The following PLPP3 variants were observed in gnomAD, a reference collection of about 807,000 sequenced individuals.
PLPP3 encodes the protein PAP2 beta.
Under a neutral mutation model 29.6 loss-of-function variants are expected in PLPP3, and 6 were observed. The observed-to-expected ratio is 0.20, with a 90% CI of 0.11 to 0.40. The LOEUF (loss-of-function observed/expected upper bound fraction) is 0.40, where lower values mean the gene tolerates loss of function less well. Among genes scored for constraint, PLPP3 ranks in the 10% least tolerant of loss-of-function variants. PLPP3 has a pLI of 1.00. For missense variants in PLPP3, 308 were observed against 407.7 expected (o/e 0.76, Z 2.11); for synonymous variants, 152 against 159.7 (o/e 0.95, Z 0.36).
chr1:56,495,349 T>A lies in PLPP3; in HGVS notation c.*1202A>T, dbSNP rs960399396. On this transcript the variant is annotated 3_prime_UTR_variant, in exon 6 of 6. Coordinates refer to ENST00000371250, the MANE Select transcript of PLPP3 (RefSeq NM_003713.5). ...CTATCACCTAGAGTGGGACCTTGCATGGAAGGACACTTACGGATAGAGGAT... is the reference window on the plus strand; with the variant it reads ...CTATCACCTAGAGTGGGACCTTGCAAGGAAGGACACTTACGGATAGAGGAT... 6.6e-6 allele frequency: 1 copy of A among 152,584 alleles called. No individual in the cohort carries two copies. Among genetic ancestry groups the A allele is most frequent in the African/African-American group, 2.4e-5 (1 of 41,436 alleles). 9.5% of individuals were successfully genotyped at this position (152,584 alleles called of 1,614,324 possible). A position where few individuals can be genotyped will look rare whatever the true frequency, so the allele number is the denominator to read the frequency against.
intron 1 of PLPP3, among the ~76,000 whole-genome samples, chr1:56,562,229 T>C (rs1452350677): frequency 6.6e-6 from 1 of 151,730 alleles, no homozygotes; most frequent in African/African-American, 2.4e-5. Context: ...TTGGTTAGGG[T>C]TAGATTCTGA....
At chr1:56,536,235 C>A (rs769116625) in intron 2 of PLPP3, among the ~76,000 whole-genome samples, 3 of 152,176 alleles carry the variant, frequency 2.0e-5, no homozygotes, top group Non-Finnish European at 4.4e-5. Context: ...ACAACAAACA[C>A]CTTTTTCAGG....
intron 5 of PLPP3, among the ~76,000 whole-genome samples, chr1:56,503,310 C>T (rs557091078): frequency 2.0e-5 from 3 of 152,302 alleles, no homozygotes; most frequent in African/African-American, 4.8e-5. Context: ...CAAGCTGTTA[C>T]ACTTGTCTTG....
rs1198656290 is a variant in PLPP3, at chr1:56,494,769, G to A, written c.*1782C>T. On this transcript the variant is annotated 3_prime_UTR_variant, in exon 6 of 6. Coordinates refer to ENST00000371250, the MANE Select transcript of PLPP3 (RefSeq NM_003713.5). ...GGCTTGCAAGTCCTTAATTAGTTGT[G>A]TTACGAGCTTTTATTTAAAAAGCAC... is the stretch of plus-strand genomic sequence containing the variant. 6.6e-6 allele frequency: 1 copy of A among 152,600 alleles called. No homozygotes were observed. Among genetic ancestry groups the A allele is most frequent in the African/African-American group, 2.4e-5 (1 of 41,442 alleles). 9.5% of individuals were successfully genotyped at this position (152,600 alleles called of 1,614,324 possible). A position where few individuals can be genotyped will look rare whatever the true frequency, so the allele number is the denominator to read the frequency against.
rs972350764 is a variant in PLPP3, at chr1:56,495,251, G to A, written c.*1300C>T. The A allele has an allele frequency of 1.3e-5, 2 of 152,536 alleles. No homozygotes were observed. The highest frequency in any genetic ancestry group is 1.3e-4 in the Admixed American group (2 of 15,268). 9.4% of individuals were successfully genotyped at this position (152,536 alleles called of 1,614,324 possible). On this transcript the variant is annotated 3_prime_UTR_variant, in exon 6 of 6. Transcript: ENST00000371250. ...TATGGTTACATTTAACCCTTTGAAAGGTCTGCATCCAAGATCTAAACGCAT... is the reference window on the plus strand; with the variant it reads ...TATGGTTACATTTAACCCTTTGAAAAGTCTGCATCCAAGATCTAAACGCAT...
intron 5 of PLPP3, among the ~76,000 whole-genome samples, chr1:56,506,768 G>A (rs1357651371): frequency 2.6e-5 from 4 of 152,252 alleles, no homozygotes; most frequent in African/African-American, 7.2e-5. Flanking sequence ...GTGTGTAGGC[G>A]GGAGGGGGCT....
intron 1 of PLPP3, among the ~76,000 whole-genome samples, chr1:56,553,698 T>G (rs538035352): frequency 6.6e-6 from 1 of 152,074 alleles, no homozygotes; most frequent in Non-Finnish European, 1.5e-5. Context: ...TCGAACTAAA[T>G]AGCAAGAGAA....
Position 56,496,489 on chromosome 1 carries a change from G to C in PLPP3, c.*62C>G. ...CATTCTACTGTCTGATGAGATTGGA[G>C]AGCAGCAAGAACTTGCTGTCAGCAG... On this transcript the variant is annotated 3_prime_UTR_variant, in exon 6 of 6. Coordinates refer to ENST00000371250, the MANE Select transcript of PLPP3 (RefSeq NM_003713.5). 1 of 1,578,490 alleles carries C rather than the reference G, an allele frequency of 6.3e-7. No individual in the cohort carries two copies. The highest frequency in any genetic ancestry group is 1.1e-5 in the South Asian group (1 of 88,824).
At chr1:56,555,459 AAC>A (rs1491029880) in intron 1 of PLPP3, among the ~76,000 whole-genome samples, 2 of 146,970 alleles carry the variant, frequency 1.4e-5, no homozygotes, top group African/African-American at 5.0e-5. Flanking sequence ...AAAAAAAAAA[AAC>A]AAAAAACAAA....
At position 56,560,517 on chromosome 1, in the gene PLPP3, A is replaced by G. The variant is rs964629211; in HGVS notation, c.139+18361T>C. ...AGGGTCTGGTGAGGACTTGCTTTCT[A>G]TTTCAAAGATGGCCCCTTCTAGCTG... On this transcript the variant is annotated intron_variant, in intron 1 of 5. Transcript: ENST00000371250. Among the ~76,000 whole-genome samples the G allele has an allele frequency of 3.9e-5, 6 of 152,066 alleles. No individual in the cohort carries two copies. In the East Asian group the frequency reaches 5.8e-4, roughly 15 times the overall value.
intron 1 of PLPP3, among the ~76,000 whole-genome samples, chr1:56,550,053 C>T (rs908800482): frequency 1.3e-5 from 2 of 152,064 alleles, no homozygotes; most frequent in Non-Finnish European, 2.9e-5. Context: ...GACGCTGGGT[C>T]CGGCTGACTT....
intron 1 of PLPP3, among the ~76,000 whole-genome samples, chr1:56,555,327 A>G (rs1308714820): frequency 6.8e-6 from 1 of 146,566 alleles, no homozygotes; most frequent in Non-Finnish European, 1.5e-5. Flanking sequence ...GGCTGGTTAC[A>G]TTATCTCGTT....
chr1:56,501,216 G>A (rs1645666012), intron 5 of PLPP3, among the ~76,000 whole-genome samples: 1 of 151,956 alleles, frequency 6.6e-6, no homozygotes, highest in South Asian at 2.1e-4. Flanking sequence ...ATATGTTTGG[G>A]GTGGGTATGT....
chr1:56,510,211 A>T (rs1645731041), intron 5 of PLPP3, among the ~76,000 whole-genome samples: 1 of 152,210 alleles, frequency 6.6e-6, no homozygotes, highest in African/African-American at 2.4e-5. Context: ...AGAAGGGCAC[A>T]GTCAGCAAAG....
At chr1:56,559,517 G>T (rs1407559408) in intron 1 of PLPP3, among the ~76,000 whole-genome samples, 2 of 150,884 alleles carry the variant, frequency 1.3e-5, no homozygotes, top group African/African-American at 2.4e-5. Context: ...CTCCCAAAAT[G>T]CTGGGATTAC....
intron 5 of PLPP3, among the ~76,000 whole-genome samples, chr1:56,497,591 A>G (rs893009065): frequency 2.0e-5 from 3 of 152,224 alleles, no homozygotes; most frequent in African/African-American, 7.2e-5. Context: ...CTGGATTTCA[A>G]AATAGCGACT....
chr1:56,559,193 C>G (rs1364339497), intron 1 of PLPP3, among the ~76,000 whole-genome samples: 1 of 151,992 alleles, frequency 6.6e-6, no homozygotes, highest in Non-Finnish European at 1.5e-5. Context: ...GGAGCGGGTG[C>G]GTTAGCAGAG....
chr1:56,557,918 T>C (rs1646096184), intron 1 of PLPP3, among the ~76,000 whole-genome samples: 1 of 152,172 alleles, frequency 6.6e-6, no homozygotes, highest in Non-Finnish European at 1.5e-5. Context: ...CCCAGTTTCT[T>C]GCCTCAAAAG....
chr1:56,567,187 C>T lies in PLPP3; in HGVS notation c.139+11691G>A, dbSNP rs182249329. Reference sequence around the variant, plus strand: ...GCGGGTCTAGCTGACCACCCAGCATCGATTTCCCAGTCAGCTTATTGTTCT... The same window carrying T: ...GCGGGTCTAGCTGACCACCCAGCATTGATTTCCCAGTCAGCTTATTGTTCT... On this transcript the variant is annotated intron_variant, in intron 1 of 5. Transcript: ENST00000371250. Among the ~76,000 whole-genome samples the T allele has an allele frequency of 1.4e-3, 218 of 152,232 alleles. 2 individuals are homozygous for T. The highest frequency in any genetic ancestry group is 5.2e-3 in the South Asian group (25 of 4,816).
Sources: gnomAD v4.1 joint callset for allele counts (sites outside exome capture counted in the v4.1 genomes callset) on GRCh38, gnomAD v4.1.1 for gene constraint, MANE v1.5 for transcripts, NCBI Gene and HGNC (gene_info 2026-07-23, HGNC 2026-07-21) for gene names.